Variants in SLC24A4 observed in about 807,000 individuals in gnomAD.
SLC24A4 encodes sodium/potassium/calcium exchanger 4.
In SLC24A4, 53 loss-of-function variants were observed where a neutral mutation model predicts 79.0. That is an observed-to-expected ratio of 0.67 (90% confidence interval 0.54 to 0.84). The LOEUF is 0.84. Among genes scored for constraint, SLC24A4 ranks in the 40% least tolerant of loss-of-function variants. The pLI, the probability that SLC24A4 is intolerant of heterozygous loss-of-function variation, is 0.00. For missense variants in SLC24A4, 731 were observed against 822.0 expected (o/e 0.89, Z 1.35); for synonymous variants, 323 against 323.8 (o/e 1.00, Z 0.03).
chr14:92,474,057 G>A (rs534120434), intron 12 of SLC24A4, among the ~76,000 whole-genome samples: 2 of 152,290 alleles, frequency 1.3e-5, no homozygotes, highest in East Asian at 3.9e-4. Context: ...TTGATCAAGT[G>A]CAACTGGGTT....
In SLC24A4 at chr14:92,398,006, G is replaced by C. The variant is rs1889876639; in HGVS notation, c.242-35906G>C. On this transcript the variant is annotated intron_variant, in intron 2 of 16. Coordinates refer to ENST00000532405, the MANE Select transcript of SLC24A4 (RefSeq NM_153646.4). The surrounding 1 kb of genome is among the most constrained non-coding windows in gnomAD (Gnocchi z 4.1). ...GCACAAGCCACGCAACCAATAACGA[G>C]ACTCTCCCCTATGCCAGGCCCTGCG... Among the ~76,000 whole-genome samples the C allele has an allele frequency of 6.6e-6, 1 of 152,174 alleles. No homozygotes were observed. The highest frequency in any genetic ancestry group is 1.5e-5 in the Non-Finnish European group (1 of 68,040).
intron 2 of SLC24A4, among the ~76,000 whole-genome samples, chr14:92,426,578 AC>A (rs1215135499): frequency 2.0e-5 from 3 of 152,188 alleles, no homozygotes; most frequent in Non-Finnish European, 4.4e-5. Flanking sequence ...TTTGGAATGT[AC>A]TGAAAGAAAG....
At chr14:92,326,687 G>A (rs1885161986) in intron 2 of SLC24A4, among the ~76,000 whole-genome samples, 1 of 152,166 alleles carries the variant, frequency 6.6e-6, no homozygotes, top group Non-Finnish European at 1.5e-5. Context: ...CAGATCGCAG[G>A]CTGAGCACTT....
chr14:92,376,015 C>A (rs1378291773), intron 2 of SLC24A4, among the ~76,000 whole-genome samples: 3 of 152,196 alleles, frequency 2.0e-5, no homozygotes, highest in Admixed American at 2.0e-4. Context: ...ATGTAAATTT[C>A]ACCTCAATCA....
chr14:92,411,202 C>T (rs780982831), intron 2 of SLC24A4, among the ~76,000 whole-genome samples: 4 of 152,168 alleles, frequency 2.6e-5, no homozygotes, highest in East Asian at 3.8e-4. Context: ...GCCAGCAAGC[C>T]GCCCATTAAT....
chr14:92,339,110 T>G (rs1000247221), intron 2 of SLC24A4, among the ~76,000 whole-genome samples: 1 of 152,186 alleles, frequency 6.6e-6, no homozygotes, highest in African/African-American at 2.4e-5. Flanking sequence ...ATCGAGGTGC[T>G]GGATGCATGT....
chr14:92,408,344 T>C (rs1826730264), intron 2 of SLC24A4: 1 of 979,070 alleles, frequency 1.0e-6, no homozygotes, highest in African/African-American at 1.8e-5. Flanking sequence ...AATGGCTTAC[T>C]TCATTATTTA....
At chr14:92,433,584 G>A (rs549913229) in intron 2 of SLC24A4, among the ~76,000 whole-genome samples, 36 of 152,228 alleles carry the variant, frequency 2.4e-4, no homozygotes, top group African/African-American at 7.0e-4. Context: ...CAGTACCTCC[G>A]TATCCTTGTC....
At chr14:92,443,595 G>C (rs886734799) in intron 7 of SLC24A4, 121 bp downstream of exon 7, 3 of 994,288 alleles carry the variant, frequency 3.0e-6, no homozygotes, top group Admixed American at 2.0e-5. Context: ...CAATAGTGGG[G>C]TGTGCCAGCC....
intron 2 of SLC24A4, among the ~76,000 whole-genome samples, chr14:92,326,446 T>G (rs1466539611): frequency 2.0e-5 from 3 of 151,670 alleles, no homozygotes; most frequent in African/African-American, 7.2e-5. Flanking sequence ...GTGCTGCGGC[T>G]GTTTCTCTCA....
At chr14:92,477,319 G>C (rs1010685607) in intron 12 of SLC24A4, among the ~76,000 whole-genome samples, 1 of 152,034 alleles carries the variant, frequency 6.6e-6, no homozygotes, top group Non-Finnish European at 1.5e-5. Flanking sequence ...AAGAAAATTG[G>C]GTTTTTAAAA....
At chr14:92,428,212 C>T (rs146466339) in intron 2 of SLC24A4, among the ~76,000 whole-genome samples, 155 of 152,312 alleles carry the variant, frequency 1.0e-3, no homozygotes, top group African/African-American at 3.3e-3. Flanking sequence ...AGCCTCTTGA[C>T]GCTTAGGTCT....
intron 8 of SLC24A4, among the ~76,000 whole-genome samples, chr14:92,446,844 C>T (rs552573136): frequency 6.6e-6 from 1 of 152,270 alleles, no homozygotes; most frequent in South Asian, 2.1e-4. Context: ...TGGTTGCATC[C>T]CAGGAAGACC....
chr14:92,459,963 G>A (rs1045708641), intron 12 of SLC24A4, among the ~76,000 whole-genome samples: 1 of 152,150 alleles, frequency 6.6e-6, no homozygotes, highest in Non-Finnish European at 1.5e-5. Context: ...TCTTAGGGGT[G>A]GATGCAGCTA....
intron 13 of SLC24A4, among the ~76,000 whole-genome samples, chr14:92,485,602 C>T (rs1015394174): frequency 4.6e-5 from 7 of 152,030 alleles, no homozygotes; most frequent in Middle Eastern, 3.4e-3. Context: ...GTTCATCTTA[C>T]ATTTTAAAGA....
intron 2 of SLC24A4, among the ~76,000 whole-genome samples, chr14:92,359,147 G>T (rs2141661145): frequency 6.6e-6 from 1 of 152,296 alleles, no homozygotes; most frequent in Non-Finnish European, 1.5e-5. Flanking sequence ...CAGGGGGCTT[G>T]TCTGGTCTTC....
At chr14:92,378,680 T>G (rs781516239) in intron 2 of SLC24A4, among the ~76,000 whole-genome samples, 1 of 152,222 alleles carries the variant, frequency 6.6e-6, no homozygotes, top group Non-Finnish European at 1.5e-5. Context: ...CTTACTGATA[T>G]CTTTTGAATG....
chr14:92,385,282 G>A (rs768718823), intron 2 of SLC24A4, among the ~76,000 whole-genome samples: 7 of 152,080 alleles, frequency 4.6e-5, no homozygotes, highest in South Asian at 4.1e-4. Context: ...TGAGGTGGGC[G>A]GATCACGAGG....
In SLC24A4 at chr14:92,442,778, C is replaced by T. The variant is rs1892572252; in HGVS notation, c.544C>T (p.Leu182=). Residue 182 remains leucine (L), a synonymous_variant, in exon 6 of 17, where the codon CTG becomes TTG. Coordinates refer to ENST00000532405, the MANE Select transcript of SLC24A4 (RefSeq NM_153646.4). ...CGTGGGCTCTGCTGTGTTCAACATC[C>T]TGTGCATAATTGGAGTGTGCGGACT... ...TIVGSAVFNI[L]CIIGVCGLFA... is the part of the protein sequence containing the mutation. The T allele has an allele frequency of 6.2e-7, 1 of 1,614,180 alleles. No individual in the cohort carries two copies. Among genetic ancestry groups the T allele is most frequent in the African/African-American group, 1.3e-5 (1 of 75,054 alleles).
Sources: gnomAD v4.1 joint callset for allele counts (sites outside exome capture counted in the v4.1 genomes callset) on GRCh38, gnomAD v4.1.1 for gene constraint, Gnocchi (gnomAD v3.1) non-coding constraint, MANE v1.5 for transcripts, NCBI Gene and HGNC (gene_info 2026-07-23, HGNC 2026-07-21) for gene names.